Variants in NXN observed in about 807,000 individuals in gnomAD.
NXN encodes nucleoredoxin 1.
In NXN, 16 loss-of-function variants were observed where a neutral mutation model predicts 48.6. The observed-to-expected ratio is 0.33, with a 90% CI of 0.22 to 0.50. The LOEUF (loss-of-function observed/expected upper bound fraction) is 0.50, where lower values mean the gene tolerates loss of function less well. Among genes scored for constraint, NXN ranks in the 20% least tolerant of loss-of-function variants. The pLI is 0.98. For synonymous variants in NXN, 281 were observed against 269.6 expected (o/e 1.04, Z -0.41); for missense variants, 492 against 605.5 (o/e 0.81, Z 1.97).
chr17:957,624 T>G (rs2069186876), intron 1 of NXN, among the ~76,000 whole-genome samples: 1 of 127,398 alleles, frequency 7.8e-6, no homozygotes, highest in Non-Finnish European at 1.7e-5. Context: ...AGAGCAAGAC[T>G]CCATCTCAAA....
In NXN at chr17:978,210, T is replaced by C. The variant is rs1373687619; in HGVS notation, c.360+1109A>G. On this transcript the variant is annotated intron_variant, in intron 1 of 7. Transcript: ENST00000336868. The surrounding 1 kb of genome is among the most constrained non-coding windows in gnomAD (Gnocchi z 4.1). ...CCTTCTGTCCACTCCAGAAACAGGC[T>C]TTCCTCAAAAAGGGAAAGGGGCTGG... 2 of 152,182 alleles carry C rather than the reference T, an allele frequency of 1.3e-5. No individual in the cohort carries two copies. Among genetic ancestry groups the C allele is most frequent in the Non-Finnish European group, 2.9e-5 (2 of 68,044 alleles). The allele number at this position is 152,182 out of a possible 1,614,324, so 9.4% of individuals were successfully genotyped here.
chr17:877,337 G>A (rs1180602411), intron 1 of NXN, among the ~76,000 whole-genome samples: 8 of 151,890 alleles, frequency 5.3e-5, no homozygotes, highest in Non-Finnish European at 1.0e-4. Context: ...TAGTACAGGC[G>A]GGGTTTCACC....
At chr17:812,126 A>G (rs1307852846) in intron 5 of NXN, among the ~76,000 whole-genome samples, 1 of 150,004 alleles carries the variant, frequency 6.7e-6, no homozygotes, top group African/African-American at 2.5e-5. Flanking sequence ...ACGGGGTTTC[A>G]CCGTGTTAGC....
chr17:889,753 A>AAG (rs1428414386), intron 1 of NXN, among the ~76,000 whole-genome samples: 3,500 of 39,254 alleles, frequency 0.089, 123 homozygotes, highest in African/African-American at 0.16. Flanking sequence ...GAAAGAAAGA[A>AAG]AGAAAGAAAA....
In NXN at chr17:956,123, A is replaced by T. The variant is rs559602396; in HGVS notation, c.360+23196T>A. On this transcript the variant is annotated intron_variant, in intron 1 of 7. Transcript: ENST00000336868. The surrounding 1 kb of genome is among the most constrained non-coding windows in gnomAD (Gnocchi z 4.1). ...AATAAGGGCATTTAATTATGATGAC[A>T]GCACCAATAAACACTGAGACTCACC... is the stretch of plus-strand genomic sequence containing the variant. 1.3e-5 allele frequency among the ~76,000 whole-genome samples: 2 copies of T among 152,216 alleles called. No homozygotes were observed. The highest frequency in any genetic ancestry group is 2.9e-5 in the Non-Finnish European group (2 of 68,036).
chr17:923,107 T>G (rs2068764973), intron 1 of NXN, among the ~76,000 whole-genome samples: 1 of 152,144 alleles, frequency 6.6e-6, no homozygotes, highest in African/African-American at 2.4e-5. Flanking sequence ...CTTGACAGCA[T>G]TATCCACGAG....
Position 823,850 on chromosome 17 carries a change from C to T in NXN, c.479-85G>A, listed in dbSNP as rs945171824. 7 of 1,432,534 alleles carry T rather than the reference C, an allele frequency of 4.9e-6. No homozygotes were observed. The African/African-American group carries it at 1.0e-4, about 20-fold the overall frequency. The allele number at this position is 1,432,534 out of a possible 1,614,324, so 88.7% of individuals were successfully genotyped here. A position where few individuals can be genotyped will look rare whatever the true frequency, so the allele number is the denominator to read the frequency against. On this transcript the variant is annotated intron_variant, in intron 2 of 7. Transcript: ENST00000336868. ...AGGAGACTTCAGAGCGGTTAAGACT[C>T]TTCTTGATGACCTGGGACCCGGGAG... is the stretch of plus-strand genomic sequence containing the variant.
At chr17:828,530 T>C (rs1034832670) in intron 1 of NXN, among the ~76,000 whole-genome samples, 1 of 150,700 alleles carries the variant, frequency 6.6e-6, no homozygotes, top group African/African-American at 2.4e-5. Flanking sequence ...GCCTCCCGAG[T>C]AGCTGGGATT....
At chr17:903,198 T>C (rs951662573) in intron 1 of NXN, among the ~76,000 whole-genome samples, 5 of 151,854 alleles carry the variant, frequency 3.3e-5, no homozygotes, top group African/African-American at 1.2e-4. Context: ...CTGCTACAAG[T>C]TTTTTTGTTT....
In NXN at chr17:917,559, A is replaced by G. The variant is rs2068700970; in HGVS notation, c.360+61760T>C. The stretch of plus-strand genomic sequence containing the variant: ...CTGTCCCACCCTACGCCCATTTTTT[A>G]TCTCCACCCACTCTTTGAACTTAGC... On this transcript the variant is annotated intron_variant, in intron 1 of 7. Transcript: ENST00000336868. This position sits in a 1 kb window ranked among gnomAD's most constrained non-coding sequence, Gnocchi z 4.5. Among the ~76,000 whole-genome samples the G allele has an allele frequency of 1.3e-5, 2 of 151,954 alleles. No homozygotes were observed. The highest frequency in any genetic ancestry group is 2.4e-5 in the African/African-American group (1 of 41,346).
intron 7 of NXN, among the ~76,000 whole-genome samples, chr17:802,839 C>G (rs1457072337): frequency 6.6e-6 from 1 of 151,958 alleles, no homozygotes; most frequent in East Asian, 1.9e-4. Context: ...CTCCTGGGAT[C>G]CAAACACAGC....
chr17:879,352 C>G (rs963728716), intron 1 of NXN, among the ~76,000 whole-genome samples: 1 of 149,704 alleles, frequency 6.7e-6, no homozygotes, highest in South Asian at 2.1e-4. Flanking sequence ...TGCAGTGGCA[C>G]GATCTCAGCT....
intron 1 of NXN, among the ~76,000 whole-genome samples, chr17:827,931 C>T (rs1326604032): frequency 2.6e-5 from 4 of 152,174 alleles, no homozygotes; most frequent in African/African-American, 9.6e-5. Flanking sequence ...CAATGCTGGG[C>T]TTCCCTGTCT....
rs2069487861 is a variant in NXN, at chr17:978,508, C to T, written c.360+811G>A. ...AGCCCTTAACTCGAAGACCCCGGGA[C>T]CACAGGGGCCACCACGCAGCTGAGC... On this transcript the variant is annotated intron_variant, in intron 1 of 7. Coordinates refer to ENST00000336868, the MANE Select transcript of NXN (RefSeq NM_022463.5). This position sits in a 1 kb window ranked among gnomAD's most constrained non-coding sequence, Gnocchi z 4.1. 2 of 152,428 alleles carry T rather than the reference C, an allele frequency of 1.3e-5. No homozygotes were observed. Among genetic ancestry groups the T allele is most frequent in the South Asian group, 2.1e-4 (1 of 4,842 alleles). 9.4% of individuals were successfully genotyped at this position (152,428 alleles called of 1,614,324 possible). A position where few individuals can be genotyped will look rare whatever the true frequency, so the allele number is the denominator to read the frequency against.
chr17:808,460 A>G (rs1911712524), intron 5 of NXN, among the ~76,000 whole-genome samples: 2 of 151,486 alleles, frequency 1.3e-5, no homozygotes, highest in Non-Finnish European at 2.9e-5. Flanking sequence ...ACACCACCAC[A>G]CCCAGATAAT....
At chr17:826,396 T>C (rs776563615) in intron 1 of NXN, among the ~76,000 whole-genome samples, 5 of 152,096 alleles carry the variant, frequency 3.3e-5, no homozygotes, top group Non-Finnish European at 1.5e-5. Context: ...TGCAACAGCA[T>C]AGGGGACTCA....
In NXN at chr17:882,856, G is replaced by C. The variant is rs564629020; in HGVS notation, c.361-56778C>G. On this transcript the variant is annotated intron_variant, in intron 1 of 7. Transcript: ENST00000336868. ...TGGCTTGCTGCAACCTCTGTCTCCC[G>C]GGTTCAAGCGATTCTCTTGCCTCAG... is the stretch of plus-strand genomic sequence containing the variant. Among the ~76,000 whole-genome samples the C allele has an allele frequency of 1.0e-3, 158 of 152,146 alleles. 1 individual carries two copies. Among genetic ancestry groups the C allele is most frequent in the African/African-American group, 3.4e-3 (141 of 41,514 alleles).
intron 5 of NXN, among the ~76,000 whole-genome samples, chr17:816,358 G>C (rs1431107631): frequency 2.0e-5 from 3 of 152,152 alleles, no homozygotes; most frequent in Admixed American, 1.3e-4. Context: ...TGGTCTCTAA[G>C]GAGAGTGCCC....
chr17:924,398 C>A (rs1279671345), intron 1 of NXN, among the ~76,000 whole-genome samples: 1 of 152,100 alleles, frequency 6.6e-6, no homozygotes, highest in Non-Finnish European at 1.5e-5. Context: ...CCACTACGTC[C>A]GGCTAATTTT....
Sources: gnomAD v4.1 joint callset for allele counts (sites outside exome capture counted in the v4.1 genomes callset) on GRCh38, gnomAD v4.1.1 for gene constraint, Gnocchi (gnomAD v3.1) non-coding constraint, MANE v1.5 for transcripts, NCBI Gene and HGNC (gene_info 2026-07-23, HGNC 2026-07-21) for gene names.